GABRG3: variants seen among roughly 807,000 people sequenced by gnomAD.
GABRG3 encodes the protein gamma-aminobutyric acid receptor subunit gamma-3.
GABRG3 carries 25 observed loss-of-function variants against 48.8 expected under a neutral mutation model. The observed-to-expected ratio is 0.51, with a 90% CI of 0.37 to 0.72. The LOEUF is 0.72. Ranked by LOEUF, GABRG3 falls within the 30% of genes least tolerant of loss-of-function variation. The pLI, the probability that GABRG3 is intolerant of heterozygous loss-of-function variation, is 0.00. For synonymous variants in GABRG3, 227 were observed against 217.6 expected, an observed-to-expected ratio of 1.04 and a Z score of -0.38; for missense variants, 394 against 577.9, an observed-to-expected ratio of 0.68 and a Z score of 3.26.
chr15:27,102,124 C>T (rs996371151), intron 3 of GABRG3, among the ~76,000 whole-genome samples: 2 of 152,184 alleles, frequency 1.3e-5, no homozygotes, highest in Admixed American at 6.5e-5. Flanking sequence ...CAAAGTGGAT[C>T]GGTACTCCTG....
At chr15:27,482,302 C>A (rs942130847) in intron 6 of GABRG3, among the ~76,000 whole-genome samples, 1 of 152,146 alleles carries the variant, frequency 6.6e-6, no homozygotes, top group Non-Finnish European at 1.5e-5. Context: ...CCATTTCATA[C>A]GCTCGGGACG....
intron 2 of GABRG3, among the ~76,000 whole-genome samples, chr15:27,022,074 C>T (rs1387789876): frequency 6.6e-6 from 1 of 152,130 alleles, no homozygotes; most frequent in Non-Finnish European, 1.5e-5. Flanking sequence ...TAGATGACTG[C>T]AGAACCCATG....
chr15:27,301,761 C>G (rs1892215789), intron 3 of GABRG3, among the ~76,000 whole-genome samples: 1 of 152,022 alleles, frequency 6.6e-6, no homozygotes, highest in Non-Finnish European at 1.5e-5. Context: ...AGAAGCTAAG[C>G]AAACCTCAAT....
intron 5 of GABRG3, among the ~76,000 whole-genome samples, chr15:27,468,471 G>A (rs1889685353): frequency 1.3e-5 from 2 of 152,182 alleles, no homozygotes; most frequent in Admixed American, 6.5e-5. Context: ...GGAAACCTAA[G>A]TCAAATTCAG....
At chr15:27,501,544 A>G (rs1890640901) in intron 6 of GABRG3, among the ~76,000 whole-genome samples, 1 of 152,084 alleles carries the variant, frequency 6.6e-6, no homozygotes, top group Non-Finnish European at 1.5e-5. Flanking sequence ...GTCTCCTGCA[A>G]TCTACTGCAT....
intron 3 of GABRG3, among the ~76,000 whole-genome samples, chr15:27,126,566 C>T (rs796525690): frequency 2.4e-4 from 36 of 152,254 alleles, no homozygotes; most frequent in African/African-American, 6.7e-4. Flanking sequence ...TCCATGGAAG[C>T]GATGGGTGTC....
intron 3 of GABRG3, among the ~76,000 whole-genome samples, chr15:27,041,690 T>G (rs1896279381): frequency 6.6e-6 from 1 of 152,224 alleles, no homozygotes; most frequent in African/African-American, 2.4e-5. Flanking sequence ...CCAGAAACAC[T>G]TGGAATCATC....
intron 3 of GABRG3, among the ~76,000 whole-genome samples, chr15:27,029,775 G>A (rs963360023): frequency 6.6e-6 from 1 of 152,160 alleles, no homozygotes; most frequent in African/African-American, 2.4e-5. Context: ...CCCCGAGCTG[G>A]CAGGCTCTGG....
At chr15:26,989,337 T>C (rs1895206453) in intron 2 of GABRG3, among the ~76,000 whole-genome samples, 1 of 152,196 alleles carries the variant, frequency 6.6e-6, no homozygotes, top group South Asian at 2.1e-4. Flanking sequence ...ATTTTGATTG[T>C]TTTTCAATAG....
At chr15:27,530,588 T>A (rs754093505) in intron 9 of GABRG3, 14 of 470,496 alleles carry the variant, frequency 3.0e-5, no homozygotes, top group South Asian at 2.0e-4. Flanking sequence ...CTAAATGAAG[T>A]GAAATGGAGG....
intron 3 of GABRG3, among the ~76,000 whole-genome samples, chr15:27,244,968 C>G (rs1890228284): frequency 6.6e-6 from 1 of 152,026 alleles, no homozygotes; most frequent in Non-Finnish European, 1.5e-5. Flanking sequence ...TCCACGGGCT[C>G]CTTGCTCCTG....
intron 3 of GABRG3, among the ~76,000 whole-genome samples, chr15:27,317,275 C>T (rs777481063): frequency 3.9e-5 from 6 of 152,178 alleles, no homozygotes; most frequent in East Asian, 1.9e-4. Context: ...GGACTTGCAG[C>T]GAGCTGACAC....
intron 2 of GABRG3, among the ~76,000 whole-genome samples, chr15:26,999,069 G>T: frequency 6.7e-6 from 1 of 150,166 alleles, no homozygotes. Flanking sequence ...CTGTCAGTTG[G>T]CCCTTCCTTA....
intron 2 of GABRG3, among the ~76,000 whole-genome samples, chr15:27,003,474 ACCG>A (rs1895499820): frequency 6.6e-6 from 1 of 151,810 alleles, no homozygotes; most frequent in South Asian, 2.1e-4. Flanking sequence ...CACATCTTGC[ACCG>A]CCCTTAATCC....
Position 27,011,777 on chromosome 15 carries a change from G to C in GABRG3, c.203-14977G>C, listed in dbSNP as rs931395116. ...GCAGGAGAATGGCGTGAACCTGGGA[G>C]GCGGAGCTTACAGTGAGCAGAGATC... is the stretch of plus-strand genomic sequence containing the variant. On this transcript the variant is annotated intron_variant, in intron 2 of 9. Transcript: ENST00000615808. 1.0e-3 allele frequency among the ~76,000 whole-genome samples: 155 copies of C among 151,566 alleles called. 1 individual carries two copies. The highest frequency in any genetic ancestry group is 3.3e-4 in the Admixed American group (5 of 15,218).
chr15:27,540,149 A>G lies in GABRG3; in HGVS notation c.*7268A>G, dbSNP rs1313215868. ...TCCTACTCCAAAATTTTGCTCGCCT[A>G]AAACATTTCCAGAACTGCTGTGTTC... On this transcript the variant is annotated 3_prime_UTR_variant, in exon 10 of 10. Coordinates refer to ENST00000615808, the MANE Select transcript of GABRG3 (RefSeq NM_033223.5). 1 of 152,244 alleles carries G rather than the reference A, an allele frequency of 6.6e-6. No individual in the cohort carries two copies. The highest frequency in any genetic ancestry group is 2.4e-5 in the African/African-American group (1 of 41,466). 9.4% of individuals were successfully genotyped at this position (152,244 alleles called of 1,614,324 possible).
chr15:27,397,259 C>T (rs981589814), intron 5 of GABRG3, among the ~76,000 whole-genome samples: 2 of 149,504 alleles, frequency 1.3e-5, no homozygotes, highest in Admixed American at 6.6e-5. Context: ...AAGACCAGAA[C>T]GACTGCAATT....
intron 3 of GABRG3, among the ~76,000 whole-genome samples, chr15:27,100,313 C>T (rs7170763): frequency 0.024 from 3,650 of 151,780 alleles, 134 homozygotes; most frequent in African/African-American, 0.085. Flanking sequence ...ATTCTTCTAC[C>T]GATTAAGTAA....
At chr15:27,189,601 T>C (rs1888225778) in intron 3 of GABRG3, among the ~76,000 whole-genome samples, 1 of 152,184 alleles carries the variant, frequency 6.6e-6, no homozygotes, top group African/African-American at 2.4e-5. Context: ...TTTGCTGAAG[T>C]TGCTTATCAG....
Sources: gnomAD v4.1 joint callset for allele counts (sites outside exome capture counted in the v4.1 genomes callset) on GRCh38, gnomAD v4.1.1 for gene constraint, MANE v1.5 for transcripts, NCBI Gene and HGNC (gene_info 2026-07-23, HGNC 2026-07-21) for gene names.